GCKR: variants seen among roughly 807,000 people sequenced by gnomAD.
The protein encoded by GCKR is glucokinase regulatory protein.
GCKR carries 73 observed loss-of-function variants against 82.9 expected under a neutral mutation model. That is an observed-to-expected ratio of 0.88 (90% CI 0.73 to 1.07). The LOEUF is 1.07. GCKR is among the 50% of genes least tolerant of loss of function. GCKR has a pLI of 0.00. For synonymous variants in GCKR, 294 were observed against 291.8 expected (o/e 1.01, Z -0.08); for missense variants, 784 against 782.1 (o/e 1.00, Z -0.03).
chr2:27,499,059 C>T lies in GCKR; in HGVS notation c.429-83C>T, dbSNP rs1179064282. The T allele has an allele frequency of 4.7e-5, 39 of 838,286 alleles. No individual in the cohort carries two copies. In the Admixed American group the frequency reaches 6.7e-4, roughly 14 times the overall value. The allele number at this position is 838,286 out of a possible 1,614,324, so 51.9% of individuals were successfully genotyped here. ...TCAATGATAGTTTTCCCTTTATGCGCATCTCTTAATGTAGCCTGCCCTAAT... is the reference window on the plus strand; with the variant it reads ...TCAATGATAGTTTTCCCTTTATGCGTATCTCTTAATGTAGCCTGCCCTAAT... On this transcript the variant is annotated intron_variant, in intron 5 of 18. Transcript: ENST00000264717.
chr2:27,505,627 A>G (rs1669707993), intron 9 of GCKR, 91 bp from the exon 10 acceptor site: 2 of 752,924 alleles, frequency 2.7e-6, no homozygotes, highest in Admixed American at 3.5e-5. Context: ...GGCCACTGGT[A>G]CTATCACATG....
chr2:27,504,085 C>T (rs754266525), intron 9 of GCKR, among the ~76,000 whole-genome samples: 1 of 152,156 alleles, frequency 6.6e-6, no homozygotes, highest in South Asian at 2.1e-4. Flanking sequence ...CTTTTTTTCT[C>T]ATCTGGATTG....
rs545938878 is a variant in GCKR, at chr2:27,523,396, G to A, written c.1835G>A (p.Arg612His). ...GCTCTTGCTGGGCCAGGTCAGAAGC[G>A]CACTGCGGACCCCCTCGAGATCCTA... is the stretch of plus-strand genomic sequence containing the variant. ...RSALAGPGQK[R>H]TADPLEILEP... is the part of the protein sequence containing the mutation. Residue 612 changes from arginine to histidine, a missense_variant, in exon 19 of 19, where the codon CGC (arginine) becomes CAC (histidine). By Grantham distance (29) the Arg-to-His change is conservative. Transcript: ENST00000264717. 36 of 1,611,216 alleles carry A rather than the reference G, an allele frequency of 2.2e-5. No homozygotes were observed. Among genetic ancestry groups the A allele is most frequent in the Non-Finnish European group, 3.0e-5 (35 of 1,179,986 alleles).
chr2:27,515,339 G>A (rs570027122), intron 16 of GCKR, among the ~76,000 whole-genome samples: 1 of 152,240 alleles, frequency 6.6e-6, no homozygotes, highest in East Asian at 1.9e-4. Flanking sequence ...GCTGTGGTGT[G>A]ATCATGGCTC....
intron 16 of GCKR, among the ~76,000 whole-genome samples, chr2:27,508,720 C>T (rs1424667778): frequency 6.6e-6 from 1 of 152,068 alleles, no homozygotes; most frequent in Non-Finnish European, 1.5e-5. Context: ...CTCATGTTGG[C>T]CAGGCTGGTC....
rs765207519 is a variant in GCKR, at chr2:27,497,324, G to C, written c.141G>C (p.Glu47Asp). 1.2e-6 allele frequency: 2 copies of C among 1,614,168 alleles called. No individual in the cohort carries two copies. The highest frequency in any genetic ancestry group is 3.3e-5 in the Admixed American group (2 of 60,022). The change falls in exon 2 of 19, where the codon GAG becomes GAC. Residue 47 changes from glutamate (E) to aspartate (D), a missense_variant. Physicochemically the swap from Glu to Asp is conservative, Grantham distance 45 (BLOSUM62 2). Transcript: ENST00000264717. ...LTQDLDKADA[E>D]NIVRLLGQCD... Reference sequence around the variant, plus strand: ...AGGATCTAGACAAAGCAGATGCTGAGAACATTGTTCGACTGCTAGGGCAAT... The same window carrying C: ...AGGATCTAGACAAAGCAGATGCTGACAACATTGTTCGACTGCTAGGGCAAT...
At chr2:27,504,368 T>G (rs1383277785) in intron 9 of GCKR, among the ~76,000 whole-genome samples, 4 of 152,024 alleles carry the variant, frequency 2.6e-5, no homozygotes, top group African/African-American at 9.7e-5. Flanking sequence ...CTTTTTTTTT[T>G]TTTTTTGAGA....
Position 27,506,525 on chromosome 2 carries a change from T to TGACC in GCKR, c.915_918dup (p.Tyr307AspfsTer51), listed in dbSNP as rs766920122. On this transcript the variant is annotated frameshift_variant, in exon 11 of 19. Coordinates refer to ENST00000264717, the MANE Select transcript of GCKR (RefSeq NM_001486.4). LOFTEE classifies it high-confidence loss of function. ...CGGACATTTGAGCGAGCTCATCAGG[T>TGACC]GACCTACAGCCAAAGCCCCAAGATT... 1.9e-5 allele frequency: 31 copies of TGACC among 1,613,988 alleles called. No homozygotes were observed. The highest frequency in any genetic ancestry group is 2.6e-5 in the Non-Finnish European group (31 of 1,179,904).
chr2:27,522,335 A>T, intron 17 of GCKR, 125 bp from the exon 18 acceptor site: 1 of 920,524 alleles, frequency 1.1e-6, no homozygotes, highest in Non-Finnish European at 1.8e-6. Flanking sequence ...CAAATCATCT[A>T]CAGCCTCTAT....
At chr2:27,508,732 C>T (rs548532032) in intron 16 of GCKR, among the ~76,000 whole-genome samples, 121 of 152,156 alleles carry the variant, frequency 8.0e-4, no homozygotes, top group Non-Finnish European at 1.4e-3. Context: ...AGGCTGGTCT[C>T]GAACTCCTGA....
intron 16 of GCKR, among the ~76,000 whole-genome samples, chr2:27,513,645 T>A (rs1036829644): frequency 1.3e-5 from 2 of 152,198 alleles, no homozygotes; most frequent in African/African-American, 4.8e-5. Context: ...TGTTGTTAAA[T>A]GTGTTTTAAT....
In GCKR at chr2:27,513,317, G is replaced by A. The variant is rs541616443; in HGVS notation, c.1422+5066G>A. ...AGGCTGAGGCAGGTGGATCACTTGA[G>A]GCCAGCAGTTTGAGACCAGCCTGGC... On this transcript the variant is annotated intron_variant, in intron 16 of 18. Coordinates refer to ENST00000264717, the MANE Select transcript of GCKR (RefSeq NM_001486.4). Among the ~76,000 whole-genome samples, 7 of 152,216 alleles carry A rather than the reference G, an allele frequency of 4.6e-5. 1 individual carries two copies. In the East Asian group the frequency reaches 1.4e-3, roughly 29 times the overall value.
At position 27,507,796 on chromosome 2, in the gene GCKR, G is replaced by A. The variant is rs1351381239; in HGVS notation, c.1240+19G>A. On this transcript the variant is annotated intron_variant, in intron 14 of 18. Coordinates refer to ENST00000264717, the MANE Select transcript of GCKR (RefSeq NM_001486.4). ...CTGGATGGTGAGAGGGAAGATGGGA[G>A]TGGTGAGGGGTGGGGAGGGGGAAAT... 7.2e-7 allele frequency: 1 copy of A among 1,384,440 alleles called. No individual in the cohort carries two copies. Among genetic ancestry groups the A allele is most frequent in the South Asian group, 1.2e-5 (1 of 86,492 alleles). The allele number at this position is 1,384,440 out of a possible 1,614,324, so 85.8% of individuals were successfully genotyped here.
At chr2:27,497,758 T>A (rs2148578146) in intron 3 of GCKR, 128 bp downstream of exon 3, 1 of 692,692 alleles carries the variant, frequency 1.4e-6, no homozygotes, top group Admixed American at 2.3e-5. Context: ...CCCTTTTGGA[T>A]CCTTATTTTC....
chr2:27,498,228 G>A lies in GCKR; in HGVS notation c.286-27G>A, dbSNP rs760501471. ...TTCTCCCAACCTGAGCCAGGCCCTG[G>A]TAATATATGCCTCTTTCCTTCTTCA... On this transcript the variant is annotated intron_variant, in intron 3 of 18. Coordinates refer to ENST00000264717, the MANE Select transcript of GCKR (RefSeq NM_001486.4). 3.2e-6 allele frequency: 5 copies of A among 1,569,782 alleles called. No individual in the cohort carries two copies. The South Asian group carries it at 3.3e-5, about 10-fold the overall frequency.
At chr2:27,501,780 C>T (rs201877366) in intron 8 of GCKR, 73 of 471,196 alleles carry the variant, frequency 1.5e-4, no homozygotes, top group Non-Finnish European at 2.9e-4. Flanking sequence ...CCCTCTTATT[C>T]TCTATGTCAG....
At chr2:27,522,366 G>A in intron 17 of GCKR, 94 bp from the exon 18 acceptor site, 1 of 1,295,110 alleles carries the variant, frequency 7.7e-7, no homozygotes, top group Non-Finnish European at 1.1e-6. Context: ...CGGGATCCCA[G>A]CCTCTCACTC....
intron 8 of GCKR, 63 bp downstream of exon 8, chr2:27,501,292 A>C: frequency 9.9e-7 from 1 of 1,007,386 alleles, no homozygotes; most frequent in South Asian, 1.3e-5. Flanking sequence ...GTCAAAGTCT[A>C]CAGTACAACC....
chr2:27,507,049 C>T (rs1669766210), intron 12 of GCKR, among the ~76,000 whole-genome samples, 164 bp downstream of exon 12: 1 of 152,192 alleles, frequency 6.6e-6, no homozygotes, highest in Non-Finnish European at 1.5e-5. Flanking sequence ...AGAACCCCAA[C>T]TCAGTCCTTG....
Sources: allele counts gnomAD v4.1 joint callset (sites outside exome capture counted in the v4.1 genomes callset), GRCh38; gene constraint gnomAD v4.1.1; transcripts MANE v1.5; gene names NCBI Gene and HGNC (gene_info 2026-07-23, HGNC 2026-07-21).